The following LOC400499 variants were observed in gnomAD, a reference collection of about 807,000 sequenced individuals.
the LOC400499 span, among the ~76,000 whole-genome samples, chr16:11,432,946 T>C: frequency 6.6e-6 from 1 of 152,230 alleles, no homozygotes; most frequent in Non-Finnish European, 1.5e-5. Flanking sequence ...GCTTCCCATT[T>C]TTCTTTTCCT....
the LOC400499 span, among the ~76,000 whole-genome samples, chr16:11,466,893 T>C: frequency 6.6e-6 from 1 of 152,022 alleles, no homozygotes; most frequent in Non-Finnish European, 1.5e-5. Context: ...CTGAAAAGAT[T>C]GCCAAGGTGT....
At chr16:11,506,737 C>A in the LOC400499 span, among the ~76,000 whole-genome samples, 1 of 152,242 alleles carries the variant, frequency 6.6e-6, no homozygotes, top group South Asian at 2.1e-4. Flanking sequence ...CTATTGAGCG[C>A]TGAGTCCTGG....
At chr16:11,521,260 A>G in the LOC400499 span, among the ~76,000 whole-genome samples, 3 of 152,190 alleles carry the variant, frequency 2.0e-5, no homozygotes, top group Non-Finnish European at 4.4e-5. Flanking sequence ...ATGAGACTCC[A>G]ACAGAAACTA....
At chr16:11,388,020 G>C in the LOC400499 span, among the ~76,000 whole-genome samples, 1 of 152,132 alleles carries the variant, frequency 6.6e-6, no homozygotes. Flanking sequence ...TGATCAGGGG[G>C]ATGTCAGCTC....
chr16:11,408,237 C>T, the LOC400499 span, among the ~76,000 whole-genome samples: 18 of 152,126 alleles, frequency 1.2e-4, no homozygotes, highest in African/African-American at 3.4e-4. Context: ...CCCACCTCGG[C>T]CTCCCAAAGT....
chr16:11,456,749 C>A, the LOC400499 span: 3 of 1,326,278 alleles, frequency 2.3e-6, no homozygotes. Flanking sequence ...TTGAGTTAGC[C>A]TAGCCAACAA....
chr16:11,420,672 C>T, the LOC400499 span, among the ~76,000 whole-genome samples: 1 of 148,878 alleles, frequency 6.7e-6, no homozygotes, highest in Non-Finnish European at 1.5e-5. Context: ...GAAGGAGCTA[C>T]CCAGGCATGA....
At chr16:11,383,582 C>T in the LOC400499 span, 13 of 1,230,756 alleles carry the variant, frequency 1.1e-5, no homozygotes, top group African/African-American at 1.9e-4. Context: ...CTGGTTTTCC[C>T]TCTGGCCTGG....
chr16:11,524,781 A>G, the LOC400499 span, among the ~76,000 whole-genome samples: 1 of 112,606 alleles, frequency 8.9e-6, no homozygotes, highest in Non-Finnish European at 1.8e-5. Context: ...TTCCACTGCC[A>G]CCTACTTTCA....
the LOC400499 span, among the ~76,000 whole-genome samples, chr16:11,425,640 C>T: frequency 6.6e-5 from 10 of 152,094 alleles, no homozygotes; most frequent in Non-Finnish European, 1.2e-4. Flanking sequence ...CGACCTAATT[C>T]GCAAAATAAT....
chr16:11,470,887 G>A, the LOC400499 span, among the ~76,000 whole-genome samples: 44 of 152,228 alleles, frequency 2.9e-4, no homozygotes, highest in Non-Finnish European at 4.4e-4. Context: ...ATGTCCCGGG[G>A]AAGAGTGTTC....
chr16:11,387,497 G>C, the LOC400499 span, among the ~76,000 whole-genome samples: 21 of 152,220 alleles, frequency 1.4e-4, no homozygotes, highest in South Asian at 6.2e-4. Flanking sequence ...GGAGGTGGTA[G>C]ATGATGGCTG....
chr16:11,507,839 T>C, the LOC400499 span, among the ~76,000 whole-genome samples: 1 of 121,612 alleles, frequency 8.2e-6, no homozygotes, highest in African/African-American at 6.5e-5. Context: ...GAGGCTGAGG[T>C]GGGAGGATCA....
the LOC400499 span, among the ~76,000 whole-genome samples, chr16:11,487,544 A>G: frequency 2.6e-5 from 4 of 152,094 alleles, no homozygotes; most frequent in South Asian, 6.2e-4. Flanking sequence ...CCTTTTCAAG[A>G]ACAGAGGGAG....
chr16:11,460,002 A>C, the LOC400499 span: 1 of 1,502,870 alleles, frequency 6.7e-7, no homozygotes, highest in South Asian at 1.3e-5. Flanking sequence ...CCCGTAGCTC[A>C]CCTCCAGCTG....
the LOC400499 span, among the ~76,000 whole-genome samples, chr16:11,455,214 G>A: frequency 6.6e-6 from 1 of 152,160 alleles, no homozygotes; most frequent in African/African-American, 2.4e-5. Context: ...GTAAGCATCA[G>A]ATGTTAACAA....
chr16:11,385,872 AC>A, the LOC400499 span, among the ~76,000 whole-genome samples: 2 of 152,318 alleles, frequency 1.3e-5, no homozygotes, highest in Non-Finnish European at 2.9e-5. Context: ...TGAATCGTAC[AC>A]TTAAAATTCA....
the LOC400499 span, among the ~76,000 whole-genome samples, chr16:11,437,970 T>C: frequency 6.6e-6 from 1 of 152,128 alleles, no homozygotes; most frequent in Non-Finnish European, 1.5e-5. Flanking sequence ...GGGGGATCGA[T>C]CGCATGCGCT....
the LOC400499 span, chr16:11,414,289 T>A: frequency 2.5e-6 from 1 of 399,130 alleles, no homozygotes; most frequent in Admixed American, 4.4e-5. Context: ...ACACCAGGAA[T>A]TGGACAGAGA....
Sources: allele counts gnomAD v4.1 joint callset (sites outside exome capture counted in the v4.1 genomes callset), GRCh38; gene constraint gnomAD v4.1.1; transcripts MANE v1.5.